Variants in ARHGAP22 observed in about 807,000 individuals in gnomAD.
The protein encoded by ARHGAP22 is rho GTPase-activating protein 22.
In ARHGAP22, 48 loss-of-function variants were observed where a neutral mutation model predicts 59.1. The ratio of observed to expected loss-of-function variants is 0.81; its 90% CI spans 0.64 to 1.03. The LOEUF (loss-of-function observed/expected upper bound fraction) is 1.03, where lower values mean the gene tolerates loss of function less well. Among genes scored for constraint, ARHGAP22 ranks in the 50% least tolerant of loss-of-function variants. The probability of loss-of-function intolerance (pLI) is 0.00; values close to 1 mark genes in which losing one functional copy is unlikely to be tolerated. For synonymous variants in ARHGAP22, 445 were observed against 416.4 expected (o/e 1.07, Z -0.84); for missense variants, 1,015 against 958.7 (o/e 1.06, Z -0.78).
intron 1 of ARHGAP22, among the ~76,000 whole-genome samples, chr10:48,603,893 A>T (rs2060529341): frequency 6.6e-6 from 1 of 152,172 alleles, no homozygotes; most frequent in Non-Finnish European, 1.5e-5. Flanking sequence ...TGAGACACAA[A>T]CTGTTTCCAA....
chr10:48,602,907 A>G (rs1020532911), intron 1 of ARHGAP22, among the ~76,000 whole-genome samples: 7 of 152,292 alleles, frequency 4.6e-5, no homozygotes, highest in Middle Eastern at 3.4e-3. Context: ...CTATAACTGG[A>G]GGGTGAATAG....
rs776941938 is a variant in ARHGAP22, at chr10:48,454,152, C to T, written c.802G>A (p.Glu268Lys). 6.2e-7 allele frequency: 1 copy of T among 1,613,846 alleles called. No individual in the cohort carries two copies. The highest frequency in any genetic ancestry group is 1.7e-5 in the Admixed American group (1 of 60,016). ...LTKDEGEGTL[E>K]LAKQVSNLPQ... ...AGGTTGCTCACTTGTTTAGCCAACT[C>T]CAGAGTGCCCTTAGGAATGAAGAAC... Residue 268 changes from glutamate to lysine, a missense_variant, in exon 7 of 10, where the codon GAG becomes AAG. Physicochemically the swap from Glu to Lys is moderately conservative, Grantham distance 56. Coordinates refer to ENST00000249601, the MANE Select transcript of ARHGAP22 (RefSeq NM_021226.4).
intron 3 of ARHGAP22, among the ~76,000 whole-genome samples, chr10:48,527,132 G>T (rs955041003): frequency 2.6e-5 from 4 of 152,224 alleles, no homozygotes; most frequent in Admixed American, 1.3e-4. Flanking sequence ...GAAGAGACTT[G>T]CCCAAGACCA....
chr10:48,508,110 C>T (rs558779013), intron 3 of ARHGAP22, among the ~76,000 whole-genome samples: 16 of 152,226 alleles, frequency 1.1e-4, no homozygotes, highest in East Asian at 1.9e-4. Flanking sequence ...CTTACTGAGG[C>T]GGGTTTTGTT....
At chr10:48,504,519 C>G (rs1356009559) in intron 3 of ARHGAP22, among the ~76,000 whole-genome samples, 1 of 152,124 alleles carries the variant, frequency 6.6e-6, no homozygotes, top group Non-Finnish European at 1.5e-5. Flanking sequence ...AAAAGCCACT[C>G]TGGGGAGGGG....
intron 3 of ARHGAP22, among the ~76,000 whole-genome samples, chr10:48,512,321 G>C (rs2052861639): frequency 6.6e-6 from 1 of 152,350 alleles, no homozygotes; most frequent in African/African-American, 2.4e-5. Context: ...TAGCCTATGG[G>C]AATCCCAGCC....
downstream of ARHGAP22, among the ~76,000 whole-genome samples, chr10:48,443,463 G>T (rs1210313735): frequency 6.6e-6 from 1 of 152,064 alleles, no homozygotes; most frequent in Non-Finnish European, 1.5e-5. Flanking sequence ...CTCAAGTGTT[G>T]CGGGGCTTGC....
intron 3 of ARHGAP22, among the ~76,000 whole-genome samples, chr10:48,492,327 G>A (rs999213653): frequency 6.6e-6 from 1 of 152,038 alleles, no homozygotes; most frequent in African/African-American, 2.4e-5. Context: ...TTGTCACAGG[G>A]CCCACTGTCA....
Position 48,582,980 on chromosome 10 carries a change from G to A in ARHGAP22, c.207C>T (p.Tyr69=), listed in dbSNP as rs746011133. ...GGGGCTTGATCTCATCTTTGTCCTT[G>A]TAGTAGAAAAGCTGATCCCCACGCA... ...FVLRGDQLFY[Y]KDKDEIKPQG... is the part of the protein sequence containing the mutation. Residue 69 remains tyrosine, a synonymous_variant, in exon 2 of 10, where the codon TAC becomes TAT. Coordinates refer to ENST00000249601, the MANE Select transcript of ARHGAP22 (RefSeq NM_021226.4). 6.2e-7 allele frequency: 1 copy of A among 1,614,246 alleles called. No individual in the cohort carries two copies. Among genetic ancestry groups the A allele is most frequent in the South Asian group, 1.1e-5 (1 of 91,080 alleles).
At chr10:48,435,997 G>A in the ARHGAP22 span, 1 of 152,120 alleles carries the variant, frequency 6.6e-6, no homozygotes, top group Non-Finnish European at 1.5e-5. Flanking sequence ...GACCTTTCCT[G>A]TTTCCTATTA....
At chr10:48,606,149 C>G (rs1248016922), upstream of ARHGAP22, among the ~76,000 whole-genome samples, 1 of 152,140 alleles carries the variant, frequency 6.6e-6, no homozygotes, top group African/African-American at 2.4e-5. Flanking sequence ...AATGCCCTCC[C>G]CTGCTCAGAT....
intron 1 of ARHGAP22, among the ~76,000 whole-genome samples, chr10:48,633,031 GTTCCCTCAGGCCT>G (rs1294380121): frequency 3.7e-4 from 56 of 152,234 alleles, no homozygotes; most frequent in African/African-American, 1.2e-3. Context: ...TCAGTGGACA[GTTCCCTCAGGCCT>G]TTCCATTGGA....
At chr10:48,458,132 G>A (rs980833104) in intron 5 of ARHGAP22, among the ~76,000 whole-genome samples, 3 of 152,164 alleles carry the variant, frequency 2.0e-5, no homozygotes, top group Non-Finnish European at 2.9e-5. Flanking sequence ...CACCGTGGCA[G>A]TATGGGGGTC....
rs917256031 is a variant in ARHGAP22, at chr10:48,604,970, C to T, written c.-174G>A. 2.1e-5 allele frequency: 32 copies of T among 1,494,640 alleles called. No individual in the cohort carries two copies. The highest frequency in any genetic ancestry group is 9.0e-5 in the Admixed American group (4 of 44,500). 92.6% of individuals were successfully genotyped at this position (1,494,640 alleles called of 1,614,324 possible). A position where few individuals can be genotyped will look rare whatever the true frequency, so the allele number is the denominator to read the frequency against. On this transcript the variant is annotated 5_prime_UTR_variant, in exon 1 of 10. Coordinates refer to ENST00000249601, the MANE Select transcript of ARHGAP22 (RefSeq NM_021226.4). ...CTCTCCTGGCTCCGGACGGACGGCT[C>T]GCCTTGGACTACATAAACCTCGATG...
At chr10:48,483,625 T>C (rs1227791294) in intron 3 of ARHGAP22, among the ~76,000 whole-genome samples, 1 of 152,182 alleles carries the variant, frequency 6.6e-6, no homozygotes, top group Non-Finnish European at 1.5e-5. Context: ...TGATATCTCA[T>C]TGTGGTTTTG....
At chr10:48,445,709 C>T (rs1175311994), downstream of ARHGAP22, 2 of 153,388 alleles carry the variant, frequency 1.3e-5, no homozygotes, top group Non-Finnish European at 2.9e-5. Context: ...GCTGGGTGCC[C>T]ACTCAGGCTC....
intron 3 of ARHGAP22, among the ~76,000 whole-genome samples, chr10:48,527,297 GTGAA>G (rs934689632): frequency 3.2e-4 from 49 of 152,076 alleles, no homozygotes; most frequent in African/African-American, 1.1e-3. Context: ...GTGTAGGTAG[GTGAA>G]TAGATGGATG....
At chr10:48,585,234 C>T (rs2059359597) in intron 1 of ARHGAP22, among the ~76,000 whole-genome samples, 1 of 152,180 alleles carries the variant, frequency 6.6e-6, no homozygotes, top group Non-Finnish European at 1.5e-5. Flanking sequence ...GCTAAACCAT[C>T]ACAGCTGTAG....
At chr10:48,446,722 A>G (rs2045389709) in intron 9 of ARHGAP22, 103 bp from the exon 10 acceptor site, 3 of 1,165,622 alleles carry the variant, frequency 2.6e-6, no homozygotes, top group Middle Eastern at 4.8e-4. Flanking sequence ...GGGTCAGGCC[A>G]AGCCATGGCG....
Sources: gnomAD v4.1 joint callset for allele counts (sites outside exome capture counted in the v4.1 genomes callset) on GRCh38, gnomAD v4.1.1 for gene constraint, MANE v1.5 for transcripts, NCBI Gene and HGNC (gene_info 2026-07-23, HGNC 2026-07-21) for gene names.